SREBF1: variants seen among roughly 807,000 people sequenced by gnomAD.
SREBF1 encodes sterol regulatory element-binding protein 1.
Under a neutral mutation model 100.1 loss-of-function variants are expected in SREBF1, and 45 were observed. The ratio of observed to expected loss-of-function variants is 0.45; its 90% CI spans 0.35 to 0.58. The LOEUF (loss-of-function observed/expected upper bound fraction) is 0.58. Ranked by LOEUF, SREBF1 falls within the 20% of genes least tolerant of loss-of-function variation. The probability of loss-of-function intolerance (pLI) is 0.00; values close to 1 mark genes in which losing one functional copy is unlikely to be tolerated. For missense variants in SREBF1, 1,324 were observed against 1,539.4 expected, an observed-to-expected ratio of 0.86 and a Z score of 2.34; for synonymous variants, 657 against 681.8, an observed-to-expected ratio of 0.96 and a Z score of 0.57.
intron 14 of SREBF1, 31 bp from the exon 15 acceptor site, chr17:17,814,778 C>CA (rs748188434): frequency 4.3e-6 from 7 of 1,610,838 alleles, no homozygotes; most frequent in Non-Finnish European, 5.9e-6. Flanking sequence ...CCTGAACCCT[C>CA]AGTCACGCTG....
At chr17:17,816,787 G>A (rs1163606318) in intron 9 of SREBF1, 69 bp from the exon 10 acceptor site, 81 of 1,567,782 alleles carry the variant, frequency 5.2e-5, no homozygotes, top group Non-Finnish European at 6.3e-5. Context: ...CAGAAGAGCC[G>A]TCCACAGCAG....
At chr17:17,816,922 C>T (rs758921309) in intron 9 of SREBF1, 36 bp downstream of exon 9, 2 of 1,612,122 alleles carry the variant, frequency 1.2e-6, no homozygotes, top group South Asian at 1.1e-5. Context: ...GCCTGGGGTC[C>T]CTGCCCTGCC....
At chr17:17,834,150 C>T (rs535408367) in intron 1 of SREBF1, among the ~76,000 whole-genome samples, 65 of 152,248 alleles carry the variant, frequency 4.3e-4, no homozygotes, top group Middle Eastern at 3.4e-3. Context: ...CTGAGTGCAA[C>T]GGCATGGTTA....
chr17:17,816,244 A>G lies in SREBF1; in HGVS notation c.2177T>C (p.Val726Ala). The G allele has an allele frequency of 9.1e-7, 1 of 1,097,428 alleles. No individual in the cohort carries two copies. Among genetic ancestry groups the G allele is most frequent in the Non-Finnish European group, 1.1e-6 (1 of 893,690 alleles). 68.0% of individuals were successfully genotyped at this position (1,097,428 alleles called of 1,614,324 possible). ...AEIYVAAALRVKTSLPRALHF... is the reference protein window; with the variant it reads ...AEIYVAAALRAKTSLPRALHF... ...CAAGGCCCGTGGGAGACTGGTCTTC[A>G]CTCTCAATGCAGCCGCCACATAGAT... is the stretch of plus-strand genomic sequence containing the variant. Residue 726 changes from valine to alanine, a missense_variant, in exon 11 of 19, where the codon GTG (valine) becomes GCG (alanine). Physicochemically the swap from Val to Ala is moderately conservative, Grantham distance 64. Transcript: ENST00000261646.
intron 1 of SREBF1, 46 bp from the exon 2 acceptor site, chr17:17,820,567 C>T (rs1475796113): frequency 1.3e-6 from 2 of 1,589,674 alleles, no homozygotes; most frequent in East Asian, 2.2e-5. Flanking sequence ...GAGACTGACC[C>T]CCAAACAGGG....
chr17:17,820,085 C>T lies in SREBF1; in HGVS notation c.523+5G>A. ...GTGTCCCCTCCCGCCACACATCCCC[C>T]TTACCTGTAGAGAAGCCTCCCGGAG... On this transcript the variant is annotated splice_donor_5th_base_variant and intron_variant, in intron 2 of 18. Transcript: ENST00000261646. The T allele has an allele frequency of 6.2e-7, 1 of 1,610,606 alleles. No homozygotes were observed. Among genetic ancestry groups the T allele is most frequent in the Non-Finnish European group, 8.5e-7 (1 of 1,179,290 alleles).
rs1423120083 is a variant in SREBF1, at chr17:17,812,821, G to A, written c.3245C>T (p.Thr1082Met). Residue 1082 changes from threonine to methionine, a missense_variant, in exon 19 of 19, where the codon ACG becomes ATG. Physicochemically the swap from Thr to Met is moderately conservative, Grantham distance 81. Coordinates refer to ENST00000261646, the MANE Select transcript of SREBF1 (RefSeq NM_004176.5). ...GAVAELEPRP[T>M]RREHAEALLL... ...CAAGGCCTCCGCGTGCTCCCGCCGC[G>A]TGGGCCGCGGCTCCAGCTCCGCCAC... The A allele has an allele frequency of 6.1e-6, 9 of 1,480,736 alleles. No individual in the cohort carries two copies. The highest frequency in any genetic ancestry group is 5.3e-6 in the Non-Finnish European group (6 of 1,122,046). 91.7% of individuals were successfully genotyped at this position (1,480,736 alleles called of 1,614,324 possible).
Position 17,818,278 on chromosome 17 carries a change from T to G in SREBF1, c.1165A>C (p.Thr389Pro), listed in dbSNP as rs915397361. 6.2e-7 allele frequency: 1 copy of G among 1,613,944 alleles called. No individual in the cohort carries two copies. The highest frequency in any genetic ancestry group is 1.7e-5 in the Admixed American group (1 of 60,022). The stretch of plus-strand genomic sequence containing the variant: ...GACTCACTGCTTTTGTGGACAGCAG[T>G]GCGCAGACTTAGGTTCTCCTGCTTG... ...KLKQENLSLR[T>P]AVHKSKSLKD... The change falls in exon 6 of 19, where the codon ACT becomes CCT. Residue 389 changes from threonine to proline, a missense_variant. Coordinates refer to ENST00000261646, the MANE Select transcript of SREBF1 (RefSeq NM_004176.5).
chr17:17,818,957 T>G, intron 5 of SREBF1, 56 bp downstream of exon 5: 5 of 1,584,664 alleles, frequency 3.2e-6, no homozygotes, highest in Non-Finnish European at 4.3e-6. Flanking sequence ...CAGTTGCCCC[T>G]GATCTGTTCC....
intron 10 of SREBF1, 22 bp from the exon 11 acceptor site, chr17:17,816,395 G>C: frequency 1.3e-6 from 2 of 1,595,644 alleles, no homozygotes; most frequent in South Asian, 1.1e-5. Flanking sequence ...GCAGGCATGA[G>C]GCTGTGGGTG....
At position 17,814,948 on chromosome 17, in the gene SREBF1, T is replaced by C; in HGVS notation, c.2493-4A>G. Reference sequence around the variant, plus strand: ...CCCGAGGGCATCCGAGAATTCCCTGTGGAAGGAGAGAGCTGGCTGTCGGAA... The same window carrying C: ...CCCGAGGGCATCCGAGAATTCCCTGCGGAAGGAGAGAGCTGGCTGTCGGAA... On this transcript the variant is annotated splice_polypyrimidine_tract_variant and splice_region_variant and intron_variant, in intron 13 of 18. Coordinates refer to ENST00000261646, the MANE Select transcript of SREBF1 (RefSeq NM_004176.5). 6.4e-7 allele frequency: 1 copy of C among 1,561,106 alleles called. No individual in the cohort carries two copies. The highest frequency in any genetic ancestry group is 2.4e-5 in the East Asian group (1 of 42,220).
At position 17,820,206 on chromosome 17, in the gene SREBF1, G is replaced by GT; in HGVS notation, c.406dup (p.Thr136AsnfsTer197). 2 of 1,613,550 alleles carry GT rather than the reference G, an allele frequency of 1.2e-6. No individual in the cohort carries two copies. The highest frequency in any genetic ancestry group is 1.7e-6 in the Non-Finnish European group (2 of 1,179,904). ...GAGGGCCCCTGGCAGGGGCTGTGGG[G>GT]TGGGGGTCTGCAGGATGCTCAGTGG... On this transcript the variant is annotated frameshift_variant, in exon 2 of 19. Transcript: ENST00000261646. LOFTEE classifies it high-confidence loss of function.
chr17:17,836,152 T>A (rs894324786), intron 1 of SREBF1, among the ~76,000 whole-genome samples: 4 of 152,252 alleles, frequency 2.6e-5, no homozygotes, highest in Admixed American at 6.5e-5. Flanking sequence ...AAACCCTCGG[T>A]GCCTAAGACG....
intron 1 of SREBF1, among the ~76,000 whole-genome samples, chr17:17,827,267 G>A (rs774888895): frequency 2.0e-5 from 3 of 152,198 alleles, no homozygotes; most frequent in Admixed American, 2.0e-4. Flanking sequence ...GGGAATGGGT[G>A]GGAAAGGGAT....
At chr17:17,829,237 TATACACACACACACACACACTCACAC>T (rs1244166262) in intron 1 of SREBF1, among the ~76,000 whole-genome samples, 9 of 126,672 alleles carry the variant, frequency 7.1e-5, no homozygotes, top group Admixed American at 6.3e-4. Context: ...TATATATATG[TATACACACACACACACACACTCACAC>T]ATACACACAC....
Position 17,836,919 on chromosome 17 carries a change from T to A in SREBF1, c.-102A>T. On this transcript the variant is annotated 5_prime_UTR_variant, in exon 1 of 19. Transcript: ENST00000261646. ...CCCGGCTCTCAGTCGCCGCCGCCGCTCCGCGCGTTCGTGTCCTGCCCTGGC... is the reference window on the plus strand; with the variant it reads ...CCCGGCTCTCAGTCGCCGCCGCCGCACCGCGCGTTCGTGTCCTGCCCTGGC... 8.8e-7 allele frequency: 1 copy of A among 1,133,816 alleles called. No individual in the cohort carries two copies. The highest frequency in any genetic ancestry group is 1.2e-6 in the Non-Finnish European group (1 of 847,546). 70.2% of individuals were successfully genotyped at this position (1,133,816 alleles called of 1,614,324 possible).
intron 6 of SREBF1, 90 bp downstream of exon 6, chr17:17,818,170 G>GTGGGGTGGGGCTAGGGA: frequency 1.8e-6 from 2 of 1,112,990 alleles, no homozygotes; most frequent in Non-Finnish European, 1.3e-6. Context: ...AGAACCAAGG[G>GTGGGGTGGGGCTAGGGA]TGGGGTGGGG....
At chr17:17,818,197 G>T in intron 6 of SREBF1, 63 bp downstream of exon 6, 1 of 1,339,072 alleles carries the variant, frequency 7.5e-7, no homozygotes, top group Non-Finnish European at 1.1e-6. Context: ...ATGGGGTGGG[G>T]CCGGGAGGTG....
rs754950812 is a variant in SREBF1 at position 17,817,383 on chromosome 17, G to A, written c.1479C>T (p.Leu493=). 15 of 1,606,846 alleles carry A rather than the reference G, an allele frequency of 9.3e-6. No homozygotes were observed. The highest frequency in any genetic ancestry group is 1.7e-4 in the Middle Eastern group (1 of 5,948). ...LDRSRLALCT[L]VFLCLSCNPL... ...GGTTGCAGGACAGGCAGAGGAAGACGAGCGTGCACAGGGCCAGGCGGGAGC... is the reference window on the plus strand; with the variant it reads ...GGTTGCAGGACAGGCAGAGGAAGACAAGCGTGCACAGGGCCAGGCGGGAGC... The change falls in exon 8 of 19, where the codon CTC becomes CTT. Residue 493 remains leucine, a synonymous_variant. Coordinates refer to ENST00000261646, the MANE Select transcript of SREBF1 (RefSeq NM_004176.5). This position sits in a 1 kb window ranked among gnomAD's most constrained non-coding sequence, Gnocchi z 6.6.
Sources: gnomAD v4.1 joint callset for allele counts (sites outside exome capture counted in the v4.1 genomes callset) on GRCh38, gnomAD v4.1.1 for gene constraint, Gnocchi (gnomAD v3.1) non-coding constraint, MANE v1.5 for transcripts, NCBI Gene and HGNC (gene_info 2026-07-23, HGNC 2026-07-21) for gene names.